PUSL1: variants seen among roughly 807,000 people sequenced by gnomAD.
PUSL1 encodes tRNA pseudouridine synthase-like 1.
In PUSL1, 51 loss-of-function variants were observed where a neutral mutation model predicts 30.7. That is an observed-to-expected ratio of 1.66 (90% CI 1.33 to 2.10). PUSL1 has a LOEUF of 2.10. Ranked by LOEUF, PUSL1 falls within the 30% of genes most tolerant of loss-of-function variation. The probability of loss-of-function intolerance (pLI) is 0.00; values close to 1 mark genes in which losing one functional copy is unlikely to be tolerated. For missense variants in PUSL1, 609 were observed against 427.6 expected (o/e 1.42, Z -3.74); for synonymous variants, 290 against 192.1 (o/e 1.51, Z -4.21).
intron 7 of PUSL1, 129 bp from the exon 8 acceptor site, chr1:1,311,201 A>C: frequency 1.4e-6 from 2 of 1,411,422 alleles, no homozygotes. Context: ...CCAGGGCTGC[A>C]GTCCCTCAGG....
Position 1,311,077 on chromosome 1 carries a change from A to G in PUSL1, c.862+6A>G. 4 of 1,592,942 alleles carry G rather than the reference A, an allele frequency of 2.5e-6. No individual in the cohort carries two copies. Among genetic ancestry groups the G allele is most frequent in the Non-Finnish European group, 3.4e-6 (4 of 1,165,470 alleles). On this transcript the variant is annotated splice_donor_region_variant and intron_variant, in intron 7 of 7. Transcript: ENST00000379031. ...AGTGCTGTACGGGAACCTCGGTAAG[A>G]AAAACAGGCACGAGAAGCTCCTGTC...
intron 4 of PUSL1, 25 bp downstream of exon 4, chr1:1,309,628 AG>A (rs71578311): frequency 1.3e-6 from 2 of 1,597,108 alleles, no homozygotes; most frequent in African/African-American, 1.3e-5. Context: ...GACAGCGGGG[AG>A]GGGGCGGGCA....
Position 1,311,510 on chromosome 1 carries a change from C to G in PUSL1, c.*131C>G. 2.0e-6 allele frequency: 2 copies of G among 976,260 alleles called. No homozygotes were observed. The highest frequency in any genetic ancestry group is 3.2e-6 in the Non-Finnish European group (2 of 634,376). The allele number at this position is 976,260 out of a possible 1,614,324, so 60.5% of individuals were successfully genotyped here. Reference sequence around the variant, plus strand: ...CCACAGTAGCCTCCCTGCCCGGGTCCCAGCACCCTGGATGCCCGTCTCTGT... The same window carrying G: ...CCACAGTAGCCTCCCTGCCCGGGTCGCAGCACCCTGGATGCCCGTCTCTGT... On this transcript the variant is annotated 3_prime_UTR_variant, in exon 8 of 8. Transcript: ENST00000379031.
At position 1,309,712 on chromosome 1, in the gene PUSL1, G is replaced by A. The variant is rs772684213; in HGVS notation, c.505G>A (p.Ala169Thr). 6.3e-6 allele frequency: 10 copies of A among 1,597,444 alleles called. No homozygotes were observed. The highest frequency in any genetic ancestry group is 3.3e-4 in the Middle Eastern group (2 of 6,020). Residue 169 changes from alanine to threonine, a missense_variant, in exon 5 of 8, where the codon GCC (alanine) becomes ACC (threonine). Physicochemically the swap from Ala to Thr is moderately conservative, Grantham distance 58. Transcript: ENST00000379031. ...GGATATGGTCGCCATGCAGGAAGCC[G>A]CCCAGCACCTCCTCGGCACACACGA... ...CLDMVAMQEA[A>T]QHLLGTHDFS...
chr1:1,309,290 A>G lies in PUSL1; in HGVS notation c.323+17A>G, dbSNP rs1234675944. ...GGCCATCAGGTGAGCCCGCGACCTA[A>G]GCAGCCCTGGGGCTGTGCCTTCCCG... On this transcript the variant is annotated intron_variant, in intron 3 of 7. Transcript: ENST00000379031. The G allele has an allele frequency of 4.8e-6, 7 of 1,472,334 alleles. No homozygotes were observed. In the East Asian group the frequency reaches 1.7e-4, roughly 36 times the overall value. 91.2% of individuals were successfully genotyped at this position (1,472,334 alleles called of 1,614,324 possible). A position where few individuals can be genotyped will look rare whatever the true frequency, so the allele number is the denominator to read the frequency against.
Position 1,308,991 on chromosome 1 carries a change from G to A in PUSL1, c.135+19G>A. On this transcript the variant is annotated intron_variant, in intron 2 of 7. Coordinates refer to ENST00000379031, the MANE Select transcript of PUSL1 (RefSeq NM_153339.3). Reference sequence around the variant, plus strand: ...CCTGGAGGTGCGCTCAGCCGGTCACGGGACGCCCGGTGAGGGGTAAGGGGG... The same window carrying A: ...CCTGGAGGTGCGCTCAGCCGGTCACAGGACGCCCGGTGAGGGGTAAGGGGG... 7.1e-7 allele frequency: 1 copy of A among 1,400,384 alleles called. No individual in the cohort carries two copies. Among genetic ancestry groups the A allele is most frequent in the Non-Finnish European group, 9.2e-7 (1 of 1,081,830 alleles). 86.7% of individuals were successfully genotyped at this position (1,400,384 alleles called of 1,614,324 possible).
In PUSL1 at chr1:1,308,983, C is replaced by G. The variant is rs778393614; in HGVS notation, c.135+11C>G. On this transcript the variant is annotated intron_variant, in intron 2 of 7. Coordinates refer to ENST00000379031, the MANE Select transcript of PUSL1 (RefSeq NM_153339.3). ...CAGAACTACCTGGAGGTGCGCTCAG[C>G]CGGTCACGGGACGCCCGGTGAGGGG... The G allele has an allele frequency of 7.1e-7, 1 of 1,406,980 alleles. No individual in the cohort carries two copies. The highest frequency in any genetic ancestry group is 9.2e-7 in the Non-Finnish European group (1 of 1,084,660). The allele number at this position is 1,406,980 out of a possible 1,614,324, so 87.2% of individuals were successfully genotyped here.
At chr1:1,310,275 T>G (rs1642051005) in intron 5 of PUSL1, 2 of 345,096 alleles carry the variant, frequency 5.8e-6, no homozygotes, top group East Asian at 1.0e-4. Flanking sequence ...CCCAGACTTC[T>G]GTGGCAGAGC....
At chr1:1,310,439 T>C (rs1460245591) in intron 5 of PUSL1, 195 bp from the exon 6 acceptor site, 5 of 592,192 alleles carry the variant, frequency 8.4e-6, no homozygotes, top group Non-Finnish European at 1.5e-5. Context: ...TGCCCAAGCA[T>C]TGTTTCTCTG....
chr1:1,309,697 G>T lies in PUSL1; in HGVS notation c.490G>T (p.Ala164Ser). ...TLPADCLDMVAMQEAAQHLLG... is the reference protein window; with the variant it reads ...TLPADCLDMVSMQEAAQHLLG... ...TCCCTGAAGCTGCCTGGATATGGTC[G>T]CCATGCAGGAAGCCGCCCAGCACCT... is the stretch of plus-strand genomic sequence containing the variant. Residue 164 changes from alanine to serine, a missense_variant, in exon 5 of 8, where the codon GCC becomes TCC. Ala to Ser is a moderately conservative substitution (Grantham distance 99). Transcript: ENST00000379031. 1 of 1,595,818 alleles carries T rather than the reference G, an allele frequency of 6.3e-7. No individual in the cohort carries two copies. The highest frequency in any genetic ancestry group is 8.6e-7 in the Non-Finnish European group (1 of 1,167,626).
At position 1,311,430 on chromosome 1, in the gene PUSL1, G is replaced by T. The variant is rs1177375329; in HGVS notation, c.*51G>T. The T allele has an allele frequency of 7.7e-6, 12 of 1,556,404 alleles. No individual in the cohort carries two copies. Among genetic ancestry groups the T allele is most frequent in the Non-Finnish European group, 1.0e-5 (12 of 1,145,826 alleles). On this transcript the variant is annotated 3_prime_UTR_variant, in exon 8 of 8. Coordinates refer to ENST00000379031, the MANE Select transcript of PUSL1 (RefSeq NM_153339.3). ...GCCACACCAGGCCCAACCCTGTGCTGGTCAAGCCAGGGCAGTCACAGCTGC... is the reference window on the plus strand; with the variant it reads ...GCCACACCAGGCCCAACCCTGTGCTTGTCAAGCCAGGGCAGTCACAGCTGC...
rs1642011706 is a variant in PUSL1 at position 1,309,869 on chromosome 1, G to C, written c.644+18G>C. The C allele has an allele frequency of 6.8e-7, 1 of 1,478,414 alleles. No individual in the cohort carries two copies. Among genetic ancestry groups the C allele is most frequent in the Non-Finnish European group, 9.0e-7 (1 of 1,105,468 alleles). The allele number at this position is 1,478,414 out of a possible 1,614,324, so 91.6% of individuals were successfully genotyped here. ...GAGAGCAGGTGAGGAAGGGCCCCTG[G>C]GCTGTGGCCCTGCCCTCAAGTCACG... On this transcript the variant is annotated intron_variant, in intron 5 of 7. Transcript: ENST00000379031.
In PUSL1 at chr1:1,310,853, C is replaced by T. The variant is rs775130201; in HGVS notation, c.700-56C>T. On this transcript the variant is annotated intron_variant, in intron 6 of 7. Coordinates refer to ENST00000379031, the MANE Select transcript of PUSL1 (RefSeq NM_153339.3). ...TCTGGGTCACAGGTACGGAGGATGACGGCTGTGCTGGTGGGTCACGGGCGG... is the reference window on the plus strand; with the variant it reads ...TCTGGGTCACAGGTACGGAGGATGATGGCTGTGCTGGTGGGTCACGGGCGG... The T allele has an allele frequency of 1.9e-5, 31 of 1,599,072 alleles. No homozygotes were observed. The Admixed American group carries it at 3.0e-4, about 16-fold the overall frequency.
chr1:1,308,876 AG>A, intron 1 of PUSL1, 38 bp from the exon 2 acceptor site: 1 of 1,416,702 alleles, frequency 7.1e-7, no homozygotes, highest in Admixed American at 3.3e-5. Flanking sequence ...ACCCCAGGGC[AG>A]GGCGCCCCCG....
chr1:1,308,856 G>A (rs1641919557), intron 1 of PUSL1, 59 bp from the exon 2 acceptor site: 5 of 1,425,578 alleles, frequency 3.5e-6, no homozygotes, highest in South Asian at 1.5e-5. Context: ...GGCCTCAGAC[G>A]GCGGCGGAGA....
intron 5 of PUSL1, 119 bp from the exon 6 acceptor site, chr1:1,310,515 C>A: frequency 1.3e-6 from 1 of 792,514 alleles, no homozygotes; most frequent in Non-Finnish European, 2.1e-6. Flanking sequence ...GGTGGCCAAG[C>A]TAGTGGGAAC....
intron 5 of PUSL1, 182 bp downstream of exon 5, chr1:1,310,033 C>A (rs910795662): frequency 2.0e-5 from 11 of 556,876 alleles, no homozygotes; most frequent in Middle Eastern, 3.0e-4. Flanking sequence ...GCCCTCCCCC[C>A]AGGCTGGGGA....
rs754444150 is a variant in PUSL1 at position 1,310,962 on chromosome 1, T to G, written c.753T>G (p.Pro251=). The change falls in exon 7 of 8, where the codon CCT becomes CCG. Residue 251 remains proline, a synonymous_variant. Transcript: ENST00000379031. ...CCGTGGGGCTGGGGGCTTTGGCACC[T>G]GCCCAGGTGAAGACGATTCTGGAGA... ...LVAVGLGALA[P]AQVKTILESQ... The G allele has an allele frequency of 3.1e-6, 5 of 1,612,936 alleles. No homozygotes were observed. Among genetic ancestry groups the G allele is most frequent in the Non-Finnish European group, 4.2e-6 (5 of 1,179,946 alleles).
chr1:1,311,057 T>C lies in PUSL1; in HGVS notation c.848T>C (p.Leu283Pro), dbSNP rs766185058. 46 of 1,604,484 alleles carry C rather than the reference T, an allele frequency of 2.9e-5. No individual in the cohort carries two copies. Among genetic ancestry groups the C allele is most frequent in the Non-Finnish European group, 3.9e-5 (46 of 1,173,472 alleles). Reference sequence around the variant, plus strand: ...CACGGCTTATTCCTCAAGTCAGTGCTGTACGGGAACCTCGGTAAGAAAAAC... The same window carrying C: ...CACGGCTTATTCCTCAAGTCAGTGCCGTACGGGAACCTCGGTAAGAAAAAC... ...PAHGLFLKSV[L>P]YGNLGAASCT... The change falls in exon 7 of 8, where the codon CTG (leucine) becomes CCG (proline). Residue 283 changes from leucine to proline, a missense_variant. Leu to Pro is a moderately conservative substitution (Grantham distance 98). Transcript: ENST00000379031.
Sources: gnomAD v4.1 joint callset for allele counts on GRCh38, gnomAD v4.1.1 for gene constraint, MANE v1.5 for transcripts, NCBI Gene and HGNC (gene_info 2026-07-23, HGNC 2026-07-21) for gene names.